Variants in PCDHGB6 observed in about 807,000 individuals in gnomAD.
PCDHGB6 encodes protocadherin gamma subfamily B, 6.
In PCDHGB6, 51 loss-of-function variants were observed where a neutral mutation model predicts 59.1. The observed-to-expected ratio is 0.86, with a 90% CI of 0.69 to 1.09. The LOEUF is 1.09. Among genes scored for constraint, PCDHGB6 ranks in the 50% least tolerant of loss-of-function variants. The pLI is 0.00. For missense variants in PCDHGB6, 1,148 were observed against 1,205.1 expected, an observed-to-expected ratio of 0.95 and a Z score of 0.70; for synonymous variants, 466 against 495.1, an observed-to-expected ratio of 0.94 and a Z score of 0.78.
At position 141,511,124 on chromosome 5, in the gene PCDHGB6, C is replaced by A. The variant is rs752246201; in HGVS notation, c.2744C>A (p.Ala915Glu). The A allele has an allele frequency of 6.2e-7, 1 of 1,614,206 alleles. No homozygotes were observed. The highest frequency in any genetic ancestry group is 8.5e-7 in the Non-Finnish European group (1 of 1,180,022). ...AAGKRDGKAP[A>E]GGNGNKKKSG... The stretch of plus-strand genomic sequence containing the variant: ...GGCAAGCGGGATGGCAAGGCCCCAG[C>A]AGGTGGCAATGGCAACAAGAAGAAG... Residue 915 changes from alanine (A) to glutamate (E), a missense_variant, in exon 4 of 4, where the codon GCA becomes GAA. Coordinates refer to ENST00000520790, the MANE Select transcript of PCDHGB6 (RefSeq NM_018926.3).
chr5:141,489,951 T>C lies in PCDHGB6; in HGVS notation c.2419-4856T>C. On this transcript the variant is annotated intron_variant, in intron 1 of 3. Coordinates refer to ENST00000520790, the MANE Select transcript of PCDHGB6 (RefSeq NM_018926.3). The surrounding 1 kb of genome is among the most constrained non-coding windows in gnomAD (Gnocchi z 4.5). ...CTGTCATCGTGCTGGACATCAATGATAATGCTCCAACCTTCCAATCCTCAG... is the reference window on the plus strand; with the variant it reads ...CTGTCATCGTGCTGGACATCAATGACAATGCTCCAACCTTCCAATCCTCAG... 6.2e-7 allele frequency: 1 copy of C among 1,614,210 alleles called. No homozygotes were observed. Among genetic ancestry groups the C allele is most frequent in the Non-Finnish European group, 8.5e-7 (1 of 1,180,032 alleles).
rs1387036035 is a variant in PCDHGB6, at chr5:141,432,158, A to G, written c.2418+21538A>G. ...CGCTTATATCCCAGAGAACAATCCC[A>G]GAGGAGTTTCCCTCGTCTCTGTGAC... is the stretch of plus-strand genomic sequence containing the variant. On this transcript the variant is annotated intron_variant, in intron 1 of 3. Coordinates refer to ENST00000520790, the MANE Select transcript of PCDHGB6 (RefSeq NM_018926.3). The surrounding 1 kb of genome is among the most constrained non-coding windows in gnomAD (Gnocchi z 6.0). The G allele has an allele frequency of 6.2e-7, 1 of 1,613,932 alleles. No individual in the cohort carries two copies. Among genetic ancestry groups the G allele is most frequent in the Non-Finnish European group, 8.5e-7 (1 of 1,180,002 alleles).
intron 3 of PCDHGB6, among the ~76,000 whole-genome samples, chr5:141,509,801 T>C (rs556629445): frequency 2.6e-5 from 4 of 152,140 alleles, no homozygotes; most frequent in South Asian, 2.1e-4. Flanking sequence ...CTCAGCTTCA[T>C]AGAGCCGAGC....
intron 1 of PCDHGB6, among the ~76,000 whole-genome samples, chr5:141,464,049 G>C (rs1330340459): frequency 6.6e-6 from 1 of 152,124 alleles, no homozygotes; most frequent in Admixed American, 6.5e-5. Context: ...TGGATCACCT[G>C]AGGTCAGGAG....
chr5:141,414,667 G>C, intron 1 of PCDHGB6: 1 of 1,614,002 alleles, frequency 6.2e-7, no homozygotes, highest in Non-Finnish European at 8.5e-7. Flanking sequence ...CCTGGCTGAA[G>C]ACACCATCCA....
In PCDHGB6 at chr5:141,476,321, G is replaced by GT; in HGVS notation, c.2419-18485dup. ...CCTCTCAGCCCGCAGGTTCCGGGTG[G>GT]TGTCTGGAGCTAGCCGAAGATTCTT... On this transcript the variant is annotated intron_variant, in intron 1 of 3. Coordinates refer to ENST00000520790, the MANE Select transcript of PCDHGB6 (RefSeq NM_018926.3). The surrounding 1 kb of genome is among the most constrained non-coding windows in gnomAD (Gnocchi z 7.6). The GT allele has an allele frequency of 6.2e-7, 1 of 1,614,196 alleles. No individual in the cohort carries two copies. Among genetic ancestry groups the GT allele is most frequent in the Non-Finnish European group, 8.5e-7 (1 of 1,180,050 alleles).
Position 141,475,033 on chromosome 5 carries a change from A to G in PCDHGB6, c.2419-19774A>G, listed in dbSNP as rs1223709259. 2.0e-5 allele frequency among the ~76,000 whole-genome samples: 3 copies of G among 152,362 alleles called. No individual in the cohort carries two copies. In the East Asian group the frequency reaches 5.8e-4, roughly 29 times the overall value. ...TTAAGGCTCTTTATTCTGTGACTAA[A>G]GGCTTTGTATTTTCTAAAGATTTGT... is the stretch of plus-strand genomic sequence containing the variant. On this transcript the variant is annotated intron_variant, in intron 1 of 3. Transcript: ENST00000520790.
intron 3 of PCDHGB6, among the ~76,000 whole-genome samples, chr5:141,506,454 A>G (rs2099853946): frequency 6.6e-6 from 1 of 151,844 alleles, no homozygotes; most frequent in African/African-American, 2.4e-5. Context: ...CAAAAAAAAA[A>G]AAAAAAAAAA....
Position 141,476,646 on chromosome 5 carries a change from A to G in PCDHGB6, c.2419-18161A>G, listed in dbSNP as rs771366262. 1.9e-6 allele frequency: 3 copies of G among 1,614,132 alleles called. No homozygotes were observed. The highest frequency in any genetic ancestry group is 1.7e-5 in the Admixed American group (1 of 60,010). ...TTACAAACCTATGAGCTGAGCCGAA[A>G]TGAATACTTTGCGCTTCGCGTGCAG... On this transcript the variant is annotated intron_variant, in intron 1 of 3. Transcript: ENST00000520790. This position sits in a 1 kb window ranked among gnomAD's most constrained non-coding sequence, Gnocchi z 7.6.
chr5:141,430,033 C>T (rs556099456), intron 1 of PCDHGB6, among the ~76,000 whole-genome samples: 1 of 152,066 alleles, frequency 6.6e-6, no homozygotes, highest in Non-Finnish European at 1.5e-5. Context: ...AAGTGTGATT[C>T]TGATAATGTA....
chr5:141,478,127 C>T (rs1323163663), intron 1 of PCDHGB6: 1 of 1,613,988 alleles, frequency 6.2e-7, no homozygotes, highest in Admixed American at 1.7e-5. Flanking sequence ...CGAGGACTCT[C>T]CTGAAGCCCG....
At chr5:141,448,523 A>G (rs2098593853) in intron 1 of PCDHGB6, among the ~76,000 whole-genome samples, 1 of 152,166 alleles carries the variant, frequency 6.6e-6, no homozygotes, top group African/African-American at 2.4e-5. Context: ...TTTATTAAGC[A>G]TCCTGTCAGC....
At position 141,450,045 on chromosome 5, in the gene PCDHGB6, C is replaced by T. The variant is rs369046547; in HGVS notation, c.2418+39425C>T. On this transcript the variant is annotated intron_variant, in intron 1 of 3. Transcript: ENST00000520790. Reference sequence around the variant, plus strand: ...TTTTTGAGACAGGGTCTCACTCTTTCGCCCAGGCTGGAATGCAGTGGTATG... The same window carrying T: ...TTTTTGAGACAGGGTCTCACTCTTTTGCCCAGGCTGGAATGCAGTGGTATG... 4.6e-5 allele frequency among the ~76,000 whole-genome samples: 6 copies of T among 129,508 alleles called. No individual in the cohort carries two copies. In the South Asian group the frequency reaches 9.6e-4, roughly 21 times the overall value. 85.0% of individuals were successfully genotyped at this position (129,508 alleles called of 152,430 possible).
chr5:141,415,584 T>C lies in PCDHGB6; in HGVS notation c.2418+4964T>C, dbSNP rs763238799. 7.4e-6 allele frequency: 12 copies of C among 1,614,012 alleles called. No individual in the cohort carries two copies. In the South Asian group the frequency reaches 1.3e-4, roughly 18 times the overall value. ...TGTCTTTGTTAGATGATTCGAAGTT[T>C]CCTATAGAGGATACCCCATTGGTTC... On this transcript the variant is annotated intron_variant, in intron 1 of 3. Coordinates refer to ENST00000520790, the MANE Select transcript of PCDHGB6 (RefSeq NM_018926.3).
chr5:141,408,877 C>T lies in PCDHGB6; in HGVS notation c.675C>T (p.Thr225=), dbSNP rs1476847671. ...GAGGGGACCCACCAAGAAGTGCCACCGCTCACATAGAAATTTCTGTCAAGG... is the reference window on the plus strand; with the variant it reads ...GAGGGGACCCACCAAGAAGTGCCACTGCTCACATAGAAATTTCTGTCAAGG... The part of the protein sequence containing the change: ...LDGGDPPRSA[T]AHIEISVKDT... The change falls in exon 1 of 4, where the codon ACC becomes ACT. Residue 225 remains threonine (T), a synonymous_variant. Coordinates refer to ENST00000520790, the MANE Select transcript of PCDHGB6 (RefSeq NM_018926.3). 2.5e-6 allele frequency: 4 copies of T among 1,613,308 alleles called. No individual in the cohort carries two copies. The highest frequency in any genetic ancestry group is 3.3e-5 in the Admixed American group (2 of 59,962).
intron 1 of PCDHGB6, among the ~76,000 whole-genome samples, chr5:141,464,630 T>C (rs981288560): frequency 1.3e-5 from 2 of 152,176 alleles, no homozygotes; most frequent in African/African-American, 4.8e-5. Context: ...AGCTTTTTAA[T>C]TGTTGCCAAC....
At position 141,437,305 on chromosome 5, in the gene PCDHGB6, G is replaced by A. The variant is rs369317069; in HGVS notation, c.2418+26685G>A. On this transcript the variant is annotated intron_variant, in intron 1 of 3. Transcript: ENST00000520790. ...TATCCATTTCATCTAACAAGTTAAA[G>A]CGTTCAGCTATAATTTAAAATTTGT... 1.8e-4 allele frequency among the ~76,000 whole-genome samples: 28 copies of A among 152,266 alleles called. No homozygotes were observed. In the South Asian group the frequency reaches 4.8e-3, roughly 26 times the overall value.
rs1236625059 is a variant in PCDHGB6 at position 141,409,116 on chromosome 5, A to G, written c.914A>G (p.Gln305Arg). 1 of 1,614,034 alleles carries G rather than the reference A, an allele frequency of 6.2e-7. No homozygotes were observed. The change falls in exon 1 of 4, where the codon CAG becomes CGG. Residue 305 changes from glutamine to arginine, a missense_variant. Coordinates refer to ENST00000520790, the MANE Select transcript of PCDHGB6 (RefSeq NM_018926.3). ...DEKTGMIKNN[Q>R]SFDFEDVERY... ...AAAACAGGTATGATTAAGAATAACCAGTCATTTGATTTTGAAGATGTAGAA... is the reference window on the plus strand; with the variant it reads ...AAAACAGGTATGATTAAGAATAACCGGTCATTTGATTTTGAAGATGTAGAA...
intron 2 of PCDHGB6, among the ~76,000 whole-genome samples, chr5:141,498,839 A>C (rs2099786236): frequency 6.6e-6 from 1 of 152,062 alleles, no homozygotes; most frequent in Non-Finnish European, 1.5e-5. Context: ...AGGCTGAGGC[A>C]GGGGAATCGC....
Sources: allele counts gnomAD v4.1 joint callset (sites outside exome capture counted in the v4.1 genomes callset), GRCh38; gene constraint gnomAD v4.1.1; non-coding constraint Gnocchi (gnomAD v3.1); transcripts MANE v1.5; gene names NCBI Gene and HGNC (gene_info 2026-07-23, HGNC 2026-07-21).